ESR1: variants seen among roughly 807,000 people sequenced by gnomAD.
ESR1 encodes the protein estrogen receptor.
In ESR1, 12 loss-of-function variants were observed where a neutral mutation model predicts 52.7. The observed-to-expected ratio is 0.23, with a 90% CI of 0.15 to 0.37. ESR1 has a LOEUF of 0.37. Among genes scored for constraint, ESR1 ranks in the 10% least tolerant of loss-of-function variants. ESR1 has a pLI of 1.00. For missense variants in ESR1, 584 were observed against 779.7 expected (o/e 0.75, Z 2.99); for synonymous variants, 305 against 316.8 (o/e 0.96, Z 0.39).
intron 5 of ESR1, among the ~76,000 whole-genome samples, chr6:152,044,285 G>A (rs2046044072): frequency 6.6e-6 from 1 of 152,088 alleles, no homozygotes; most frequent in Non-Finnish European, 1.5e-5. Context: ...TAGCATTTTG[G>A]CGTCTAATCA....
At chr6:151,857,621 C>T (rs766018759) in intron 2 of ESR1, among the ~76,000 whole-genome samples, 4 of 152,054 alleles carry the variant, frequency 2.6e-5, no homozygotes, top group South Asian at 2.1e-4. Context: ...CTCTGCCTCC[C>T]GGGTTCAAGT....
intron 3 of ESR1, among the ~76,000 whole-genome samples, chr6:151,909,298 TTAG>T (rs1797903125): frequency 6.6e-6 from 1 of 152,202 alleles, no homozygotes; most frequent in Admixed American, 6.5e-5. Context: ...TAGAGATGTT[TTAG>T]TGAACTAGGC....
At chr6:151,696,436 C>A (rs1779347006) in intron 1 of ESR1, among the ~76,000 whole-genome samples, 1 of 151,762 alleles carries the variant, frequency 6.6e-6, no homozygotes, top group Non-Finnish European at 1.5e-5. Flanking sequence ...AACACCACTG[C>A]ACTCCAGCCT....
At chr6:151,754,614 C>T (rs1784142707) in intron 2 of ESR1, among the ~76,000 whole-genome samples, 1 of 152,114 alleles carries the variant, frequency 6.6e-6, no homozygotes, top group Non-Finnish European at 1.5e-5. Flanking sequence ...CTTGATCATT[C>T]CCTCCATCTT....
chr6:152,015,135 A>G (rs1231884026), intron 5 of ESR1, among the ~76,000 whole-genome samples: 1 of 152,154 alleles, frequency 6.6e-6, no homozygotes, highest in Non-Finnish European at 1.5e-5. Context: ...TCTCAAACGC[A>G]AATTTCTGAA....
intron 2 of ESR1, among the ~76,000 whole-genome samples, chr6:151,733,126 A>T (rs1782381636): frequency 6.6e-6 from 1 of 152,178 alleles, no homozygotes; most frequent in Non-Finnish European, 1.5e-5. Flanking sequence ...TGATTCCTTT[A>T]ATCTTTGCAA....
intron 5 of ESR1, among the ~76,000 whole-genome samples, chr6:152,028,930 C>T (rs2044410677): frequency 6.6e-6 from 1 of 152,196 alleles, no homozygotes; most frequent in African/African-American, 2.4e-5. Context: ...CCGGGTACTC[C>T]TCTGAGACAA....
intron 2 of ESR1, among the ~76,000 whole-genome samples, chr6:151,780,979 C>A (rs145628989): frequency 6.6e-6 from 1 of 152,230 alleles, no homozygotes; most frequent in Non-Finnish European, 1.5e-5. Context: ...TTTTGGTGAT[C>A]TTTTTTGTAG....
At chr6:151,685,939 T>C (rs9478235), upstream of ESR1, among the ~76,000 whole-genome samples, 3,513 of 152,262 alleles carry the variant, frequency 0.023, 133 homozygotes, top group African/African-American at 0.079. Context: ...GGTCTTACTC[T>C]GTCACTCAGG....
At chr6:152,031,070 A>G (rs916593977) in intron 5 of ESR1, among the ~76,000 whole-genome samples, 2 of 152,166 alleles carry the variant, frequency 1.3e-5, no homozygotes, top group African/African-American at 4.8e-5. Context: ...GGCAGAAATA[A>G]AGATGTTCTT....
chr6:151,665,412 T>G (rs1172251991), intron 1 of ESR1, among the ~76,000 whole-genome samples: 2 of 152,174 alleles, frequency 1.3e-5, no homozygotes, highest in African/African-American at 4.8e-5. Flanking sequence ...AGAGAGATTT[T>G]GTTTTAAAGA....
chr6:152,115,016 A>G (rs1034580994), intron 6 of ESR1, among the ~76,000 whole-genome samples: 32 of 151,952 alleles, frequency 2.1e-4, no homozygotes, highest in African/African-American at 7.2e-4. Flanking sequence ...AAAACAAGTC[A>G]TGCTCCTTGA....
intron 2 of ESR1, among the ~76,000 whole-genome samples, chr6:151,725,543 G>A (rs1349009700): frequency 6.6e-6 from 1 of 152,134 alleles, no homozygotes; most frequent in Admixed American, 6.5e-5. Context: ...CAGGATTATT[G>A]TTTGTCATCC....
chr6:152,040,260 C>T (rs1279807386), intron 5 of ESR1, among the ~76,000 whole-genome samples: 1 of 152,180 alleles, frequency 6.6e-6, no homozygotes, highest in Non-Finnish European at 1.5e-5. Context: ...TAACCTCCAT[C>T]CCTGCCACCA....
intron 4 of ESR1, among the ~76,000 whole-genome samples, chr6:151,974,979 C>G (rs1277186434): frequency 6.6e-6 from 1 of 152,182 alleles, no homozygotes; most frequent in Non-Finnish European, 1.5e-5. Flanking sequence ...CTCTGCTGAG[C>G]AAGATTAAAC....
intron 4 of ESR1, among the ~76,000 whole-genome samples, chr6:151,990,421 A>T (rs114511901): frequency 6.6e-6 from 1 of 152,086 alleles, no homozygotes; most frequent in African/African-American, 2.4e-5. Context: ...TCTATTCCAC[A>T]TGGTGATGCA....
intron 5 of ESR1, among the ~76,000 whole-genome samples, chr6:152,015,220 C>G (rs1048462627): frequency 1.3e-5 from 2 of 152,122 alleles, no homozygotes; most frequent in South Asian, 2.1e-4. Context: ...TTCACACATT[C>G]GAATTTCTCT....
chr6:152,014,981 C>T lies in ESR1; in HGVS notation c.1235+3187C>T, dbSNP rs527632989. Reference sequence around the variant, plus strand: ...ACCCGAGAGGCTGAGGCAGGAGAATCGCTTGAACATGGGAGGCAGACGTTG... The same window carrying T: ...ACCCGAGAGGCTGAGGCAGGAGAATTGCTTGAACATGGGAGGCAGACGTTG... On this transcript the variant is annotated intron_variant, in intron 5 of 7. Coordinates refer to ENST00000206249, the MANE Select transcript of ESR1 (RefSeq NM_000125.4). Among the ~76,000 whole-genome samples the T allele has an allele frequency of 5.9e-5, 9 of 152,160 alleles. No homozygotes were observed. In the South Asian group the frequency reaches 8.3e-4, roughly 14 times the overall value.
intron 4 of ESR1, among the ~76,000 whole-genome samples, chr6:152,001,635 A>G (rs1438258075): frequency 1.3e-5 from 2 of 152,018 alleles, no homozygotes; most frequent in African/African-American, 4.8e-5. Flanking sequence ...CTTGTAAAAG[A>G]ATCCACCATG....
Sources: allele counts gnomAD v4.1 joint callset (sites outside exome capture counted in the v4.1 genomes callset), GRCh38; gene constraint gnomAD v4.1.1; transcripts MANE v1.5; gene names NCBI Gene and HGNC (gene_info 2026-07-23, HGNC 2026-07-21).